Variants in PROK2 observed in about 807,000 individuals in gnomAD.
PROK2 encodes the protein prokineticin 2.
PROK2 carries 8 observed loss-of-function variants against 14.2 expected under a neutral mutation model. The ratio of observed to expected loss-of-function variants is 0.56; its 90% CI spans 0.33 to 1.02. The LOEUF (loss-of-function observed/expected upper bound fraction) is 1.02. Among genes scored for constraint, PROK2 ranks in the 50% least tolerant of loss-of-function variants. PROK2 has a pLI of 0.03. For missense variants in PROK2, 154 were observed against 160.4 expected (o/e 0.96, Z 0.22); for synonymous variants, 59 against 60.7 (o/e 0.97, Z 0.13).
Position 71,785,074 on chromosome 3 carries a change from C to T in PROK2, c.-22G>A, listed in dbSNP as rs1301730803. 1 of 1,228,374 alleles carries T rather than the reference C, an allele frequency of 8.1e-7. No individual in the cohort carries two copies. The highest frequency in any genetic ancestry group is 1.0e-6 in the Non-Finnish European group (1 of 980,862). 76.1% of individuals were successfully genotyped at this position (1,228,374 alleles called of 1,614,324 possible). A position where few individuals can be genotyped will look rare whatever the true frequency, so the allele number is the denominator to read the frequency against. On this transcript the variant is annotated 5_prime_UTR_variant, in exon 1 of 4. Coordinates refer to ENST00000295619, the MANE Select transcript of PROK2 (RefSeq NM_001126128.2). ...TCATGGCGCCCTCGGGACTGGGCGGCCGCCGGAGGCAGTTGGGGGCGCGGG... is the reference window on the plus strand; with the variant it reads ...TCATGGCGCCCTCGGGACTGGGCGGTCGCCGGAGGCAGTTGGGGGCGCGGG...
chr3:71,778,145 C>T (rs1008724399), intron 2 of PROK2, among the ~76,000 whole-genome samples: 1 of 150,448 alleles, frequency 6.6e-6, no homozygotes, highest in East Asian at 1.9e-4. Flanking sequence ...TGCAGTGAGC[C>T]GAGATCACAC....
At position 71,781,543 on chromosome 3, in the gene PROK2, C is replaced by T. The variant is rs756449447; in HGVS notation, c.146G>A (p.Ser49Asn). ...QCGGGMCCAV[S>N]IWVKSIRICT... ...AATCCTTATGCTCTTGACCCAGATA[C>T]TGACAGCACAGCACATGCCTCCACC... The change falls in exon 2 of 4, where the codon AGT (serine) becomes AAT (asparagine). Residue 49 changes from serine to asparagine, a missense_variant. Physicochemically the swap from Ser to Asn is conservative, Grantham distance 46. Coordinates refer to ENST00000295619, the MANE Select transcript of PROK2 (RefSeq NM_001126128.2). 2 of 1,612,866 alleles carry T rather than the reference C, an allele frequency of 1.2e-6. No homozygotes were observed. Among genetic ancestry groups the T allele is most frequent in the Non-Finnish European group, 8.5e-7 (1 of 1,178,858 alleles).
At chr3:71,784,300 TTATGC>T (rs2050193156) in intron 1 of PROK2, among the ~76,000 whole-genome samples, 1 of 152,228 alleles carries the variant, frequency 6.6e-6, no homozygotes, top group Non-Finnish European at 1.5e-5. Context: ...TACTCCATCA[TTATGC>T]TGGAGCACTG....
chr3:71,774,869 C>A (rs910529986), intron 2 of PROK2, among the ~76,000 whole-genome samples: 3 of 152,104 alleles, frequency 2.0e-5, no homozygotes, highest in Non-Finnish European at 2.9e-5. Context: ...CATCAACGAC[C>A]TTTATAGCCC....
intron 2 of PROK2, among the ~76,000 whole-genome samples, chr3:71,779,997 A>G (rs911107806): frequency 2.6e-5 from 4 of 152,248 alleles, no homozygotes; most frequent in African/African-American, 4.8e-5. Context: ...TCATAATTCA[A>G]TAAGGGTGTT....
intron 1 of PROK2, among the ~76,000 whole-genome samples, chr3:71,783,558 C>CT (rs1258287890): frequency 6.6e-6 from 1 of 152,138 alleles, no homozygotes; most frequent in Admixed American, 6.5e-5. Context: ...CAGCTGTTTC[C>CT]TAATGCCCTT....
intron 1 of PROK2, among the ~76,000 whole-genome samples, chr3:71,782,718 T>C (rs1470980980): frequency 6.6e-6 from 1 of 152,196 alleles, no homozygotes. Flanking sequence ...TCAAAATTCT[T>C]AGTTTTGAGG....
chr3:71,774,928 C>T (rs549185006), intron 2 of PROK2, among the ~76,000 whole-genome samples: 3 of 152,212 alleles, frequency 2.0e-5, no homozygotes, highest in African/African-American at 2.4e-5. Flanking sequence ...CCTAAAACTG[C>T]TGCATGGGCC....
chr3:71,775,660 C>G (rs533241496), intron 2 of PROK2, among the ~76,000 whole-genome samples: 1 of 152,268 alleles, frequency 6.6e-6, no homozygotes, highest in African/African-American at 2.4e-5. Context: ...AGCAAAGGTC[C>G]TGGACTGAGG....
chr3:71,781,612 C>T lies in PROK2; in HGVS notation c.97-20G>A, dbSNP rs778621940. ...ACAAGCCTGAAATGTAATAAACAAA[C>T]AGATAAATATAGATAACAGGAAAGA... On this transcript the variant is annotated intron_variant, in intron 1 of 3. Coordinates refer to ENST00000295619, the MANE Select transcript of PROK2 (RefSeq NM_001126128.2). 1.9e-6 allele frequency: 3 copies of T among 1,605,454 alleles called. No homozygotes were observed.
At chr3:71,774,268 A>G (rs1160620186) in intron 3 of PROK2, among the ~76,000 whole-genome samples, 177 bp downstream of exon 3, 1 of 152,176 alleles carries the variant, frequency 6.6e-6, no homozygotes, top group African/African-American at 2.4e-5. Flanking sequence ...CTTTGTATAT[A>G]TCATATAGAT....
intron 1 of PROK2, among the ~76,000 whole-genome samples, chr3:71,781,887 T>G (rs2050163181): frequency 1.3e-5 from 2 of 152,186 alleles, no homozygotes; most frequent in Admixed American, 6.5e-5. Context: ...TTTCCAGTGC[T>G]TTATGGCTGA....
intron 1 of PROK2, among the ~76,000 whole-genome samples, chr3:71,782,579 G>A (rs575460594): frequency 2.4e-4 from 37 of 152,098 alleles, no homozygotes; most frequent in Non-Finnish European, 3.2e-4. Context: ...TGTTTGAACC[G>A]TGGGCAGTAA....
chr3:71,776,218 C>T (rs1184725213), intron 2 of PROK2, among the ~76,000 whole-genome samples: 1 of 152,134 alleles, frequency 6.6e-6, no homozygotes, highest in African/African-American at 2.4e-5. Context: ...ATAATGATTA[C>T]ACTGAACTGC....
At chr3:71,773,338 G>T (rs1294226943) in intron 3 of PROK2, among the ~76,000 whole-genome samples, 5 of 152,106 alleles carry the variant, frequency 3.3e-5, no homozygotes, top group Admixed American at 6.6e-5. Context: ...TGTAAAGATG[G>T]CAAGCACTTT....
rs2050087193 is a variant in PROK2 at position 71,772,508 on chromosome 3, C to A, written c.*216G>T. 1 of 535,838 alleles carries A rather than the reference C, an allele frequency of 1.9e-6. No individual in the cohort carries two copies. 33.2% of individuals were successfully genotyped at this position (535,838 alleles called of 1,614,324 possible). ...CAAACAGGGAAATAAGAACCAGTTC[C>A]ATAATGCCTTACACTTCATATTTCT... On this transcript the variant is annotated 3_prime_UTR_variant, in exon 4 of 4. Coordinates refer to ENST00000295619, the MANE Select transcript of PROK2 (RefSeq NM_001126128.2).
chr3:71,780,450 G>A (rs1449838525), intron 2 of PROK2, among the ~76,000 whole-genome samples: 1 of 152,218 alleles, frequency 6.6e-6, no homozygotes, highest in Non-Finnish European at 1.5e-5. Flanking sequence ...GACAGAAAAT[G>A]GAATTTGGTT....
chr3:71,772,691 G>C lies in PROK2; in HGVS notation c.*33C>G, dbSNP rs1374332482. 1 of 1,558,160 alleles carries C rather than the reference G, an allele frequency of 6.4e-7. No homozygotes were observed. Among genetic ancestry groups the C allele is most frequent in the African/African-American group, 1.4e-5 (1 of 73,762 alleles). On this transcript the variant is annotated 3_prime_UTR_variant, in exon 4 of 4. Coordinates refer to ENST00000295619, the MANE Select transcript of PROK2 (RefSeq NM_001126128.2). ...AAGTAAGACTTTACAGGTAAGATGT[G>C]GCTATTCACATTTGGTTTCTACTCC...
chr3:71,774,322 C>A, intron 3 of PROK2, 123 bp downstream of exon 3: 1 of 1,498,448 alleles, frequency 6.7e-7, no homozygotes, highest in Non-Finnish European at 8.9e-7. Context: ...GTGGCAGAAC[C>A]ATTCTAATCT....
Sources: gnomAD v4.1 joint callset for allele counts (sites outside exome capture counted in the v4.1 genomes callset) on GRCh38, gnomAD v4.1.1 for gene constraint, MANE v1.5 for transcripts, NCBI Gene and HGNC (gene_info 2026-07-23, HGNC 2026-07-21) for gene names.